Variants in CMSS1 observed in about 807,000 individuals in gnomAD.
CMSS1 encodes the protein cms1 ribosomal small subunit homolog.
Under a neutral mutation model 43.5 loss-of-function variants are expected in CMSS1, and 33 were observed. The ratio of observed to expected loss-of-function variants is 0.76; its 90% confidence interval spans 0.57 to 1.01. CMSS1 has a LOEUF of 1.01. Among genes scored for constraint, CMSS1 ranks in the 50% least tolerant of loss-of-function variants. CMSS1 has a pLI of 0.00. For missense variants in CMSS1, 313 were observed against 326.4 expected, an observed-to-expected ratio of 0.96 and a Z score of 0.32; for synonymous variants, 115 against 117.2, an observed-to-expected ratio of 0.98 and a Z score of 0.12.
chr3:99,911,101 G>A (rs966940850), intron 1 of CMSS1, among the ~76,000 whole-genome samples: 5 of 152,106 alleles, frequency 3.3e-5, no homozygotes, highest in African/African-American at 9.6e-5. Flanking sequence ...ATTAGGTAGC[G>A]CATTACACAC....
intron 1 of CMSS1, among the ~76,000 whole-genome samples, chr3:99,957,681 T>TTTTCTTTC (rs1553700126): frequency 7.0e-6 from 1 of 143,210 alleles, no homozygotes. Context: ...TCCTTTTCTC[T>TTTTCTTTC]TTTCTTTCTT....
intron 1 of CMSS1, among the ~76,000 whole-genome samples, chr3:99,987,051 A>G (rs941925119): frequency 6.6e-6 from 1 of 151,722 alleles, no homozygotes; most frequent in Non-Finnish European, 1.5e-5. Context: ...CAACATAGTG[A>G]CACCCCATCA....
intron 1 of CMSS1, among the ~76,000 whole-genome samples, chr3:100,119,564 A>G (rs2066602976): frequency 6.6e-6 from 1 of 152,246 alleles, no homozygotes; most frequent in South Asian, 2.1e-4. Flanking sequence ...GCACATAGTC[A>G]ATACACAACA....
intron 1 of CMSS1, among the ~76,000 whole-genome samples, chr3:99,821,051 T>C (rs1942429147): frequency 6.6e-6 from 1 of 152,238 alleles, no homozygotes; most frequent in Non-Finnish European, 1.5e-5. Flanking sequence ...TTATAACATC[T>C]ATCTAATGTG....
chr3:99,878,981 T>C (rs1705630722), intron 1 of CMSS1, among the ~76,000 whole-genome samples: 2 of 152,268 alleles, frequency 1.3e-5, no homozygotes, highest in Admixed American at 1.3e-4. Flanking sequence ...ATAGTAGAGT[T>C]ATGATCACTG....
intron 1 of CMSS1, 102 bp downstream of exon 1, chr3:99,818,145 G>T: frequency 9.2e-7 from 1 of 1,088,636 alleles, no homozygotes; most frequent in Non-Finnish European, 1.4e-6. Flanking sequence ...GCCCAGCAGG[G>T]GTGTGCACCG....
chr3:99,989,134 A>C (rs1173421117), intron 1 of CMSS1, among the ~76,000 whole-genome samples: 1 of 152,168 alleles, frequency 6.6e-6, no homozygotes, highest in Non-Finnish European at 1.5e-5. Flanking sequence ...TCTTGTTTGG[A>C]CCTAGCAACA....
chr3:99,940,404 A>G (rs1356205534), intron 1 of CMSS1, among the ~76,000 whole-genome samples: 1 of 152,254 alleles, frequency 6.6e-6, no homozygotes, highest in Non-Finnish European at 1.5e-5. Flanking sequence ...TTAGAAATAC[A>G]GTGATAATGA....
At chr3:99,968,388 T>C (rs933696064) in intron 1 of CMSS1, among the ~76,000 whole-genome samples, 3 of 150,156 alleles carry the variant, frequency 2.0e-5, no homozygotes, top group African/African-American at 7.4e-5. Flanking sequence ...TACTGTTGAA[T>C]AGTAGTATGA....
intron 1 of CMSS1, among the ~76,000 whole-genome samples, chr3:100,055,892 G>A (rs1176130770): frequency 6.6e-6 from 1 of 152,166 alleles, no homozygotes; most frequent in Non-Finnish European, 1.5e-5. Context: ...CCTTCAAGGA[G>A]TCCAAAGATT....
At chr3:100,050,933 G>T (rs1575990920) in intron 1 of CMSS1, among the ~76,000 whole-genome samples, 1 of 152,128 alleles carries the variant, frequency 6.6e-6, no homozygotes. Flanking sequence ...GAGTCTTCAA[G>T]AATTTGATCC....
At chr3:100,160,095 G>A (rs77342070) in intron 2 of CMSS1, among the ~76,000 whole-genome samples, 5 of 152,132 alleles carry the variant, frequency 3.3e-5, no homozygotes, top group East Asian at 1.9e-4. Flanking sequence ...TAATCACATC[G>A]ATTTCTGCTG....
At chr3:99,996,749 G>T (rs1044292116) in intron 1 of CMSS1, among the ~76,000 whole-genome samples, 4 of 151,944 alleles carry the variant, frequency 2.6e-5, no homozygotes, top group Non-Finnish European at 5.9e-5. Flanking sequence ...ATCAGATCTC[G>T]TGAGACTTAC....
At chr3:99,848,323 G>C in intron 1 of CMSS1, 2 of 1,614,150 alleles carry the variant, frequency 1.2e-6, no homozygotes, top group Non-Finnish European at 1.7e-6. Flanking sequence ...AGGAAGAGGT[G>C]TGGCTGTTGG....
chr3:100,054,429 G>T (rs1453441194), intron 1 of CMSS1, among the ~76,000 whole-genome samples: 2 of 152,028 alleles, frequency 1.3e-5, no homozygotes, highest in African/African-American at 4.8e-5. Flanking sequence ...AGTGGAGCAC[G>T]TACTCTTGCC....
chr3:99,854,647 G>A (rs760565480), intron 1 of CMSS1, among the ~76,000 whole-genome samples: 3 of 149,478 alleles, frequency 2.0e-5, no homozygotes, highest in Non-Finnish European at 4.4e-5. Context: ...CCTTTGTTGT[G>A]AATTAAAAAT....
At chr3:100,131,578 C>T (rs2066708701) in intron 1 of CMSS1, among the ~76,000 whole-genome samples, 1 of 152,232 alleles carries the variant, frequency 6.6e-6, no homozygotes, top group African/African-American at 2.4e-5. Context: ...TACTGACCCC[C>T]ATCCAGCCTC....
intron 1 of CMSS1, chr3:99,850,073 C>CTTCT: frequency 6.2e-7 from 1 of 1,612,764 alleles, no homozygotes; most frequent in Non-Finnish European, 8.5e-7. Context: ...TTCTCAGTAA[C>CTTCT]TGTTGTTACT....
intron 1 of CMSS1, among the ~76,000 whole-genome samples, chr3:99,905,006 A>G (rs777689306): frequency 3.0e-4 from 46 of 152,212 alleles, no homozygotes; most frequent in Non-Finnish European, 1.2e-4. Flanking sequence ...CCTCAGATCC[A>G]AAAGCCTTCA....
Sources: allele counts gnomAD v4.1 joint callset (sites outside exome capture counted in the v4.1 genomes callset), GRCh38; gene constraint gnomAD v4.1.1; transcripts MANE v1.5; gene names NCBI Gene and HGNC (gene_info 2026-07-23, HGNC 2026-07-21).